The following LNPK variants were observed in gnomAD, a reference collection of about 807,000 sequenced individuals.
LNPK encodes endoplasmic reticulum junction formation protein lunapark.
A neutral mutation model predicts 55.2 loss-of-function variants in LNPK; 29 were observed. That is an observed-to-expected ratio of 0.53 (90% confidence interval 0.39 to 0.72). LNPK has a LOEUF of 0.72. LNPK is among the 30% of genes least tolerant of loss of function. LNPK has a pLI of 0.00. For missense variants in LNPK, 467 were observed against 494.8 expected (o/e 0.94, Z 0.53); for synonymous variants, 162 against 168.2 (o/e 0.96, Z 0.29).
rs1688193565 is a variant in LNPK, at chr2:176,002,203, C to T, written c.-106G>A. 1 of 450,180 alleles carries T rather than the reference C, an allele frequency of 2.2e-6. No homozygotes were observed. The highest frequency in any genetic ancestry group is 1.6e-5 in the South Asian group (1 of 63,808). 27.9% of individuals were successfully genotyped at this position (450,180 alleles called of 1,614,324 possible). A position where few individuals can be genotyped will look rare whatever the true frequency, so the allele number is the denominator to read the frequency against. On this transcript the variant is annotated 5_prime_UTR_variant, in exon 1 of 13. Coordinates refer to ENST00000272748, the MANE Select transcript of LNPK (RefSeq NM_030650.3). ...GCCCGGCCCGGGCGTCCACCCCCGC[C>T]AGTCTCGGCCGCCACCGCCCAGCCT...
At position 175,927,782 on chromosome 2, in the gene LNPK, TATA is replaced by T. The variant is rs922500331; in HGVS notation, c.*2182_*2184del. The T allele has an allele frequency of 3.3e-5, 5 of 150,886 alleles. No homozygotes were observed. The highest frequency in any genetic ancestry group is 9.8e-5 in the African/African-American group (4 of 40,888). The allele number at this position is 150,886 out of a possible 1,614,324, so 9.3% of individuals were successfully genotyped here. On this transcript the variant is annotated 3_prime_UTR_variant, in exon 13 of 13. Coordinates refer to ENST00000272748, the MANE Select transcript of LNPK (RefSeq NM_030650.3). ...TAAGTTTCAACCATTAACTGTTTAT[TATA>T]ATAATAATGAAAATAAGCTTTTGTA... is the stretch of plus-strand genomic sequence containing the variant.
chr2:175,984,420 C>A (rs942578999), intron 4 of LNPK, among the ~76,000 whole-genome samples: 1 of 151,858 alleles, frequency 6.6e-6, no homozygotes, highest in South Asian at 2.1e-4. Context: ...ATGATCTGCC[C>A]GCCTCAGTCT....
intron 8 of LNPK, among the ~76,000 whole-genome samples, chr2:175,960,368 C>T (rs1291636706): frequency 6.6e-6 from 1 of 152,138 alleles, no homozygotes; most frequent in African/African-American, 2.4e-5. Flanking sequence ...TCTCTCAGAC[C>T]AGGGTGCAAT....
chr2:175,988,186 AG>A (rs1687516814), intron 4 of LNPK, among the ~76,000 whole-genome samples: 1 of 152,166 alleles, frequency 6.6e-6, no homozygotes, highest in African/African-American at 2.4e-5. Context: ...AAATGTTTTT[AG>A]ATGAGATTTA....
intron 2 of LNPK, 33 bp downstream of exon 2, chr2:175,995,525 C>T (rs549766487): frequency 1.3e-6 from 2 of 1,563,698 alleles, no homozygotes; most frequent in African/African-American, 1.4e-5. Context: ...TTATATTAGA[C>T]TCAAGAACTA....
chr2:175,939,904 A>G (rs948233260), intron 9 of LNPK: 1 of 346,504 alleles, frequency 2.9e-6, no homozygotes. Context: ...GTAGATTCCT[A>G]CATAACTACT....
chr2:175,989,352 G>A (rs935416269), intron 4 of LNPK, among the ~76,000 whole-genome samples: 2 of 151,922 alleles, frequency 1.3e-5, no homozygotes, highest in African/African-American at 4.8e-5. Flanking sequence ...ATTTTGAGAG[G>A]CAAAAACAAA....
At position 175,992,363 on chromosome 2, in the gene LNPK, C is replaced by A; in HGVS notation, c.125G>T (p.Trp42Leu). 1 of 1,526,332 alleles carries A rather than the reference C, an allele frequency of 6.6e-7. No homozygotes were observed. The highest frequency in any genetic ancestry group is 8.7e-7 in the Non-Finnish European group (1 of 1,143,398). 94.5% of individuals were successfully genotyped at this position (1,526,332 alleles called of 1,614,324 possible). Residue 42 changes from tryptophan to leucine, a missense_variant, in exon 4 of 13, where the codon TGG becomes TTG. Transcript: ENST00000272748. ...GGAATACAGAATTAATCTTCCAACC[C>A]ATAATTTTTGTAATCTCTGATTTTT... ...REKNQRLQKL[W>L]VGRLILYSSV...
intron 8 of LNPK, among the ~76,000 whole-genome samples, chr2:175,960,408 C>T (rs866628566): frequency 4.6e-5 from 7 of 152,180 alleles, no homozygotes; most frequent in Non-Finnish European, 7.3e-5. Context: ...AAGAATCTCA[C>T]TCAAAACCAC....
chr2:175,978,178 TAAA>T (rs1687000215), intron 5 of LNPK, among the ~76,000 whole-genome samples: 1 of 152,018 alleles, frequency 6.6e-6, no homozygotes, highest in African/African-American at 2.4e-5. Flanking sequence ...ATAACAACAA[TAAA>T]AAATACAAAT....
intron 9 of LNPK, among the ~76,000 whole-genome samples, chr2:175,945,113 G>T (rs990068323): frequency 9.2e-5 from 14 of 151,614 alleles, no homozygotes; most frequent in African/African-American, 3.4e-4. Context: ...TAGTCAGGCT[G>T]GTCTTGAACT....
At chr2:175,932,072 C>T (rs115641410) in intron 12 of LNPK, 4,448 of 407,436 alleles carry the variant, frequency 0.011, 39 homozygotes, top group Middle Eastern at 0.031. Context: ...AGCTAAGAAT[C>T]CAGGATGTAA....
rs190080786 is a variant in LNPK at position 175,925,004 on chromosome 2, G to A, written c.*4963C>T. 3.9e-5 allele frequency: 6 copies of A among 152,232 alleles called. No individual in the cohort carries two copies. The highest frequency in any genetic ancestry group is 7.3e-5 in the Non-Finnish European group (5 of 68,034). 9.4% of individuals were successfully genotyped at this position (152,232 alleles called of 1,614,324 possible). A position where few individuals can be genotyped will look rare whatever the true frequency, so the allele number is the denominator to read the frequency against. ...CCGCTCCATGCTCAAAACACCTCCA[G>A]CAATGGGGATCAAATTTCAACATGA... On this transcript the variant is annotated 3_prime_UTR_variant, in exon 13 of 13. Transcript: ENST00000272748.
intron 8 of LNPK, among the ~76,000 whole-genome samples, chr2:175,957,152 G>A (rs1383774562): frequency 6.6e-6 from 1 of 152,082 alleles, no homozygotes. Context: ...GAGGTCAAGA[G>A]TTTGAGACCA....
upstream of LNPK, chr2:176,002,316 C>A (rs1412001416): frequency 4.7e-6 from 2 of 429,004 alleles, no homozygotes; most frequent in Non-Finnish European, 9.2e-6. Flanking sequence ...AGCCGCTCGC[C>A]AATTGGCGCC....
At chr2:175,959,647 C>T (rs564518107) in intron 8 of LNPK, among the ~76,000 whole-genome samples, 3 of 152,204 alleles carry the variant, frequency 2.0e-5, no homozygotes, top group South Asian at 2.1e-4. Flanking sequence ...GAAGAAACTG[C>T]GTCAACTAAC....
intron 8 of LNPK, among the ~76,000 whole-genome samples, chr2:175,957,351 TCATCTCAAAAAAAGAAAA>T (rs1685744593): frequency 6.6e-6 from 1 of 151,688 alleles, no homozygotes; most frequent in East Asian, 1.9e-4. Context: ...CAGTGAGACT[TCATCTCAAAAAAAGAAAA>T]CATCTCAAAA....
At chr2:175,941,167 C>G in intron 9 of LNPK, 1 of 325,424 alleles carries the variant, frequency 3.1e-6, no homozygotes, top group Non-Finnish European at 6.1e-6. Flanking sequence ...AGAAGGACTG[C>G]TTGAACCCAC....
intron 4 of LNPK, among the ~76,000 whole-genome samples, chr2:175,984,157 A>C (rs1687302400): frequency 6.6e-6 from 1 of 151,500 alleles, no homozygotes; most frequent in Non-Finnish European, 1.5e-5. Context: ...AAAAAGCTGT[A>C]AACCATATAT....
Sources: gnomAD v4.1 joint callset for allele counts (sites outside exome capture counted in the v4.1 genomes callset) on GRCh38, gnomAD v4.1.1 for gene constraint, MANE v1.5 for transcripts, NCBI Gene and HGNC (gene_info 2026-07-23, HGNC 2026-07-21) for gene names.